The following CTDP1 variants were observed in gnomAD, a reference collection of about 807,000 sequenced individuals.
CTDP1 encodes the protein RNA polymerase II subunit A C-terminal domain phosphatase.
Under a neutral mutation model 91.8 loss-of-function variants are expected in CTDP1, and 47 were observed. The ratio of observed to expected loss-of-function variants is 0.51; its 90% CI spans 0.41 to 0.65. The LOEUF (loss-of-function observed/expected upper bound fraction) is 0.65. Among genes scored for constraint, CTDP1 ranks in the 30% least tolerant of loss-of-function variants. The pLI is 0.00. For missense variants in CTDP1, 1,272 were observed against 1,373.7 expected (o/e 0.93, Z 1.17); for synonymous variants, 656 against 598.5 (o/e 1.10, Z -1.40).
chr18:79,692,473 C>T (rs948487168), intron 1 of CTDP1, among the ~76,000 whole-genome samples: 1 of 152,196 alleles, frequency 6.6e-6, no homozygotes, highest in Admixed American at 6.5e-5. Flanking sequence ...ATTTCAGAAG[C>T]AACTTGTCAA....
chr18:79,720,505 GTGTCCTAGTGATGATGTCACCA>G (rs1389304846), intron 10 of CTDP1, among the ~76,000 whole-genome samples: 2 of 148,102 alleles, frequency 1.4e-5, no homozygotes, highest in African/African-American at 5.0e-5. Context: ...ACCTCCCATC[GTGTCCTAGTGATGATGTCACCA>G]CCCGTCATTA....
intron 1 of CTDP1, among the ~76,000 whole-genome samples, chr18:79,682,324 A>G (rs890285052): frequency 6.6e-6 from 1 of 152,204 alleles, no homozygotes; most frequent in African/African-American, 2.4e-5. Flanking sequence ...TTTTGTGAAC[A>G]GGGTGGGTTA....
At chr18:79,678,433 G>C (rs1400322908), upstream of CTDP1, 1 of 152,186 alleles carries the variant, frequency 6.6e-6, no homozygotes, top group East Asian at 1.9e-4. Flanking sequence ...TCACAAACAA[G>C]TTCCTATTAG....
chr18:79,682,608 A>G (rs1030347756), intron 1 of CTDP1, among the ~76,000 whole-genome samples: 2 of 152,212 alleles, frequency 1.3e-5, no homozygotes, highest in African/African-American at 4.8e-5. Context: ...TGCTGTTCGC[A>G]TCCATGGGTT....
At chr18:79,695,337 C>T in intron 2 of CTDP1, 29 bp downstream of exon 2, 1 of 1,602,428 alleles carries the variant, frequency 6.2e-7, no homozygotes, top group Non-Finnish European at 8.6e-7. Flanking sequence ...GAGATCGCTG[C>T]CTGCTGGGGC....
At chr18:79,717,432 G>GGT in intron 8 of CTDP1, 103 bp from the exon 9 acceptor site, 2 of 1,538,180 alleles carry the variant, frequency 1.3e-6, no homozygotes, top group Non-Finnish European at 1.8e-6. Flanking sequence ...CCTGAGCCCT[G>GGT]GTGGGGTACA....
chr18:79,696,126 G>T, intron 3 of CTDP1, 56 bp downstream of exon 3: 1 of 1,487,758 alleles, frequency 6.7e-7, no homozygotes, highest in Non-Finnish European at 9.2e-7. Flanking sequence ...TGAGGAGGGC[G>T]GCTGCAGGAG....
chr18:79,679,241 AG>A (rs2085299363), upstream of CTDP1: 3 of 364,598 alleles, frequency 8.2e-6, no homozygotes, highest in Non-Finnish European at 1.7e-5. Context: ...GTGAGGTCGG[AG>A]GAAGAGAAGA....
intron 3 of CTDP1, 104 bp from the exon 4 acceptor site, chr18:79,697,756 G>C (rs547758532): frequency 6.5e-7 from 1 of 1,541,380 alleles, no homozygotes. Context: ...TGGGGGGCTG[G>C]AGGGGAACAC....
chr18:79,701,166 C>T (rs1031808873), intron 4 of CTDP1, among the ~76,000 whole-genome samples: 2 of 152,176 alleles, frequency 1.3e-5, no homozygotes, highest in Non-Finnish European at 2.9e-5. Flanking sequence ...ATCCACCCTG[C>T]AGCCCAGGGC....
At chr18:79,704,990 A>C (rs551083436) in intron 5 of CTDP1, 73 bp downstream of exon 5, 1 of 1,597,184 alleles carries the variant, frequency 6.3e-7, no homozygotes, top group Non-Finnish European at 8.5e-7. Context: ...TGGTTTCTTA[A>C]AGATGAAGAA....
chr18:79,710,063 C>T (rs546205263), intron 5 of CTDP1, among the ~76,000 whole-genome samples: 1 of 152,216 alleles, frequency 6.6e-6, no homozygotes, highest in East Asian at 1.9e-4. Flanking sequence ...TTTTCATATC[C>T]ATCTGGTTTA....
chr18:79,689,739 C>G (rs192848919), intron 1 of CTDP1, among the ~76,000 whole-genome samples: 1 of 152,192 alleles, frequency 6.6e-6, no homozygotes, highest in Non-Finnish European at 1.5e-5. Flanking sequence ...TAAGATCACA[C>G]CACTGCACTG....
intron 12 of CTDP1, among the ~76,000 whole-genome samples, chr18:79,743,389 G>A (rs1385031193): frequency 2.6e-5 from 4 of 152,102 alleles, no homozygotes; most frequent in Non-Finnish European, 5.9e-5. Context: ...AGCTGGACAT[G>A]GCAGCATGCG....
intron 10 of CTDP1, among the ~76,000 whole-genome samples, chr18:79,724,198 T>C (rs1164112589): frequency 6.6e-6 from 1 of 152,244 alleles, no homozygotes; most frequent in African/African-American, 2.4e-5. Context: ...CGGTTGCAGA[T>C]GCTCAGCCCG....
At chr18:79,734,779 G>A (rs909553448) in intron 11 of CTDP1, among the ~76,000 whole-genome samples, 1 of 152,230 alleles carries the variant, frequency 6.6e-6, no homozygotes, top group Admixed American at 6.5e-5. Context: ...ATTTGCCATC[G>A]AAACAGTAAA....
rs762359718 is a variant in CTDP1 at position 79,736,384 on chromosome 18, C to T, written c.2610C>T (p.Asp870=). 74 of 1,548,642 alleles carry T rather than the reference C, an allele frequency of 4.8e-5. No homozygotes were observed. The highest frequency in any genetic ancestry group is 5.8e-5 in the Non-Finnish European group (67 of 1,146,464). ...ACGACATCCTTGGAGAAGGCAGCGA[C>T]GACAGCGACAGCGAGAAGAGGAGGC... The part of the protein sequence containing the change: ...EVDDILGEGS[D]DSDSEKRRPE... Residue 870 remains aspartate, a synonymous_variant, in exon 12 of 13, where the codon GAC becomes GAT. Transcript: ENST00000613122.
upstream of CTDP1, chr18:79,679,216 G>T: frequency 2.9e-6 from 1 of 343,474 alleles, no homozygotes; most frequent in East Asian, 8.5e-5. Context: ...CTGCCCCTGC[G>T]CTTCCGCATC....
At chr18:79,681,696 C>T (rs557041788) in intron 1 of CTDP1, among the ~76,000 whole-genome samples, 53 of 152,252 alleles carry the variant, frequency 3.5e-4, no homozygotes, top group Admixed American at 2.9e-3. Flanking sequence ...GGGTACCTCA[C>T]AGGGCCCTTT....
Sources: gnomAD v4.1 joint callset for allele counts (sites outside exome capture counted in the v4.1 genomes callset) on GRCh38, gnomAD v4.1.1 for gene constraint, MANE v1.5 for transcripts, NCBI Gene and HGNC (gene_info 2026-07-23, HGNC 2026-07-21) for gene names.